The following TMPRSS11F variants were observed in gnomAD, a reference collection of about 807,000 sequenced individuals.
TMPRSS11F encodes the protein transmembrane protease serine 11F.
In TMPRSS11F, 47 loss-of-function variants were observed where a neutral mutation model predicts 60.2. That is an observed-to-expected ratio of 0.78 (90% CI 0.62 to 1.00). The LOEUF (loss-of-function observed/expected upper bound fraction) is 1.00. Ranked by LOEUF, TMPRSS11F falls within the 50% of genes least tolerant of loss-of-function variation. The probability of loss-of-function intolerance (pLI) is 0.00; values close to 1 mark genes in which losing one functional copy is unlikely to be tolerated. For synonymous variants in TMPRSS11F, 166 were observed against 167.3 expected (o/e 0.99, Z 0.06); for missense variants, 519 against 522.9 (o/e 0.99, Z 0.07).
At chr4:68,084,560 C>T (rs573840321) in intron 3 of TMPRSS11F, among the ~76,000 whole-genome samples, 1 of 152,092 alleles carries the variant, frequency 6.6e-6, no homozygotes, top group Admixed American at 6.6e-5. Context: ...CCCTGCCAAA[C>T]TAAGCTTCAT....
At chr4:68,078,116 C>T (rs998649305) in intron 3 of TMPRSS11F, among the ~76,000 whole-genome samples, 2 of 152,242 alleles carry the variant, frequency 1.3e-5, no homozygotes, top group East Asian at 3.9e-4. Flanking sequence ...CAACCCCCAT[C>T]CCACCCTTAC....
chr4:68,113,298 T>A (rs889210027), intron 1 of TMPRSS11F, among the ~76,000 whole-genome samples: 1 of 152,146 alleles, frequency 6.6e-6, no homozygotes, highest in African/African-American at 2.4e-5. Context: ...GTCCTAGTGT[T>A]CTGTGGAAGG....
chr4:68,127,506 T>C (rs1367189741), intron 1 of TMPRSS11F, among the ~76,000 whole-genome samples: 2 of 146,292 alleles, frequency 1.4e-5, no homozygotes, highest in South Asian at 2.2e-4. Context: ...TTGAATAACC[T>C]ACAATGTGGG....
At chr4:68,097,369 C>T (rs1577927799) in intron 2 of TMPRSS11F, among the ~76,000 whole-genome samples, 2 of 152,130 alleles carry the variant, frequency 1.3e-5, no homozygotes, top group East Asian at 1.9e-4. Flanking sequence ...TAGAGACTAC[C>T]CTCATTCCTT....
rs189613697 is a variant in TMPRSS11F, at chr4:68,118,236, C to T, written c.11+11574G>A. ...ATTGTTAACACCAACCAGTGTGAGG[C>T]TGAAGTTTTAATTAATCACAATTGA... On this transcript the variant is annotated intron_variant, in intron 1 of 9. Transcript: ENST00000356291. Among the ~76,000 whole-genome samples the T allele has an allele frequency of 1.6e-4, 24 of 152,218 alleles. No homozygotes were observed. The East Asian group carries it at 4.6e-3, about 29-fold the overall frequency.
intron 1 of TMPRSS11F, among the ~76,000 whole-genome samples, chr4:68,102,194 T>C (rs1174065626): frequency 1.3e-5 from 2 of 152,140 alleles, no homozygotes; most frequent in Non-Finnish European, 2.9e-5. Context: ...ATTGTATATA[T>C]TTACCACAAC....
chr4:68,067,777 C>T (rs184490687), intron 7 of TMPRSS11F, among the ~76,000 whole-genome samples: 21 of 152,272 alleles, frequency 1.4e-4, no homozygotes, highest in African/African-American at 4.3e-4. Flanking sequence ...TGATAAAGCA[C>T]CTCTGAGAAT....
intron 1 of TMPRSS11F, among the ~76,000 whole-genome samples, chr4:68,105,074 T>G (rs1724277426): frequency 1.3e-5 from 1 of 76,414 alleles, no homozygotes. Context: ...TTTTTTTTTT[T>G]GCAAGAGTTT....
intron 1 of TMPRSS11F, among the ~76,000 whole-genome samples, chr4:68,100,482 G>C (rs758542546): frequency 1.3e-5 from 2 of 152,118 alleles, no homozygotes; most frequent in Admixed American, 6.6e-5. Flanking sequence ...CTATGGAATG[G>C]GGTGGAGAGG....
At chr4:68,095,448 G>C (rs1338330804) in intron 2 of TMPRSS11F, among the ~76,000 whole-genome samples, 2 of 152,078 alleles carry the variant, frequency 1.3e-5, no homozygotes, top group African/African-American at 4.8e-5. Context: ...ACAGATAAAT[G>C]CAAATTAAGA....
At chr4:68,069,883 G>T in intron 6 of TMPRSS11F, 86 bp downstream of exon 6, 1 of 1,137,454 alleles carries the variant, frequency 8.8e-7, no homozygotes, top group Non-Finnish European at 1.2e-6. Flanking sequence ...AAAAAGCTTG[G>T]TAAACTTTAC....
chr4:68,105,595 T>C (rs1724289218), intron 1 of TMPRSS11F, among the ~76,000 whole-genome samples: 1 of 152,202 alleles, frequency 6.6e-6, no homozygotes, highest in Non-Finnish European at 1.5e-5. Flanking sequence ...ATAGTCCTGT[T>C]TCTTTCAATC....
At chr4:68,088,883 C>T (rs1723870079) in intron 3 of TMPRSS11F, among the ~76,000 whole-genome samples, 1 of 152,052 alleles carries the variant, frequency 6.6e-6, no homozygotes, top group African/African-American at 2.4e-5. Flanking sequence ...AACTACGAAA[C>T]ACTGCTGAAA....
At position 68,090,614 on chromosome 4, in the gene TMPRSS11F, G is replaced by C. The variant is rs371029881; in HGVS notation, c.191C>G (p.Ser64Cys). 2.4e-5 allele frequency: 39 copies of C among 1,600,420 alleles called. No homozygotes were observed. The highest frequency in any genetic ancestry group is 3.2e-5 in the Non-Finnish European group (37 of 1,172,170). Residue 64 changes from serine to cysteine, a missense_variant, in exon 3 of 10, where the codon TCT (serine) becomes TGT (cysteine). Ser to Cys is a moderately radical substitution (Grantham distance 112, BLOSUM62 -1). Transcript: ENST00000356291. ...ATATTTGATATTTGTGACTTTAAAA[G>C]AGGCAAGGTAATAGAAAGACTTATC... ...EDDKSFYYLASFKVTNIKYKE... is the reference protein window; with the variant it reads ...EDDKSFYYLACFKVTNIKYKE...
rs753863934 is a variant in TMPRSS11F at position 68,070,008 on chromosome 4, C to T, written c.515-1G>A. ...TTCCTCATCTTTTTGCTGTCAATAG[C>T]TGGAATAAGCAAAACATGAATTAGT... On this transcript the variant is annotated splice_acceptor_variant, in intron 5 of 9. Transcript: ENST00000356291. LOFTEE classifies it high-confidence loss of function. 1.2e-6 allele frequency: 2 copies of T among 1,601,572 alleles called. No individual in the cohort carries two copies. The highest frequency in any genetic ancestry group is 1.7e-5 in the Admixed American group (1 of 58,432).
Position 68,053,283 on chromosome 4 carries a change from A to G in TMPRSS11F, c.*626T>C, listed in dbSNP as rs1382646844. 1 of 152,554 alleles carries G rather than the reference A, an allele frequency of 6.6e-6. No homozygotes were observed. The highest frequency in any genetic ancestry group is 2.4e-5 in the African/African-American group (1 of 41,450). The allele number at this position is 152,554 out of a possible 1,614,324, so 9.5% of individuals were successfully genotyped here. A position where few individuals can be genotyped will look rare whatever the true frequency, so the allele number is the denominator to read the frequency against. On this transcript the variant is annotated 3_prime_UTR_variant, in exon 10 of 10. Coordinates refer to ENST00000356291, the MANE Select transcript of TMPRSS11F (RefSeq NM_207407.2). Reference sequence around the variant, plus strand: ...CAGAAAAGCTTCTTAACAACACAACATGCTTCCTGAAGCTAGTGCTTGAGT... The same window carrying G: ...CAGAAAAGCTTCTTAACAACACAACGTGCTTCCTGAAGCTAGTGCTTGAGT...
At chr4:68,104,552 A>G (rs931335875) in intron 1 of TMPRSS11F, among the ~76,000 whole-genome samples, 3 of 151,984 alleles carry the variant, frequency 2.0e-5, no homozygotes, top group African/African-American at 7.3e-5. Context: ...TGCTTGCTTC[A>G]CCTTCTGCCA....
chr4:68,059,260 T>G (rs921474078), intron 9 of TMPRSS11F, 66 bp downstream of exon 9: 3 of 1,564,838 alleles, frequency 1.9e-6, no homozygotes, highest in Non-Finnish European at 2.6e-6. Flanking sequence ...GTAAAATATA[T>G]GCCAAACTCA....
rs1458749609 is a variant in TMPRSS11F, at chr4:68,059,469, C to T, written c.1016-1G>A. 2 of 1,610,112 alleles carry T rather than the reference C, an allele frequency of 1.2e-6. No homozygotes were observed. The highest frequency in any genetic ancestry group is 1.7e-6 in the Non-Finnish European group (2 of 1,178,244). ...TGCCGAAGTGTATTTTGTATAGGTC[C>T]TATTGCACAAATGGATAAAAAAACA... is the stretch of plus-strand genomic sequence containing the variant. On this transcript the variant is annotated splice_acceptor_variant, in intron 8 of 9. Coordinates refer to ENST00000356291, the MANE Select transcript of TMPRSS11F (RefSeq NM_207407.2). LOFTEE classifies it high-confidence loss of function.
Sources: gnomAD v4.1 joint callset for allele counts (sites outside exome capture counted in the v4.1 genomes callset) on GRCh38, gnomAD v4.1.1 for gene constraint, MANE v1.5 for transcripts, NCBI Gene and HGNC (gene_info 2026-07-23, HGNC 2026-07-21) for gene names.